The following DNM1 variants were observed in gnomAD, a reference collection of about 807,000 sequenced individuals.
The protein encoded by DNM1 is dynamin-1.
Under a neutral mutation model 104.6 loss-of-function variants are expected in DNM1, and 29 were observed. That is an observed-to-expected ratio of 0.28 (90% CI 0.21 to 0.38). The LOEUF is 0.38. DNM1 is among the 10% of genes least tolerant of loss of function. The pLI is 1.00. For missense variants in DNM1, 640 were observed against 1,189.4 expected, an observed-to-expected ratio of 0.54 and a Z score of 6.79; for synonymous variants, 445 against 475.8, an observed-to-expected ratio of 0.94 and a Z score of 0.84.
rs1250691332 is a variant in DNM1, at chr9:128,220,871, T to TTTTTATTTG, written c.849+534_849+535insATTTGTTTT. On this transcript the variant is annotated intron_variant, in intron 6 of 21. Transcript: ENST00000372923. The surrounding 1 kb of genome is among the most constrained non-coding windows in gnomAD (Gnocchi z 5.2). ...TCTGGCTCTCTGAGCCTCTATTTCT[T>TTTTTATTTG]TTTTCTTTATTTGTTTTCTTTCTTT... Among the ~76,000 whole-genome samples the TTTTTATTTG allele has an allele frequency of 2.3e-4, 35 of 150,304 alleles. No individual in the cohort carries two copies. The highest frequency in any genetic ancestry group is 4.7e-4 in the Non-Finnish European group (32 of 67,530).
Position 128,220,742 on chromosome 9 carries a change from C to CGCGCGCGCGCGT in DNM1, c.849+402_849+403insCGCGCGCGCGTG, listed in dbSNP as rs61020870. Among the ~76,000 whole-genome samples the CGCGCGCGCGCGT allele has an allele frequency of 7.6e-4, 103 of 136,358 alleles. No individual in the cohort carries two copies. Among genetic ancestry groups the CGCGCGCGCGCGT allele is most frequent in the Non-Finnish European group, 1.1e-3 (71 of 63,284 alleles). The allele number at this position is 136,358 out of a possible 152,430, so 89.5% of individuals were successfully genotyped here. ...CAGAACTGAAGTGCGCGCGCGCGCG[C>CGCGCGCGCGCGT]GTGTGTGTGTGTGTGTGTGTGTGTG... is the stretch of plus-strand genomic sequence containing the variant. On this transcript the variant is annotated intron_variant, in intron 6 of 21. Transcript: ENST00000372923. This position sits in a 1 kb window ranked among gnomAD's most constrained non-coding sequence, Gnocchi z 5.2.
At chr9:128,217,706 C>T (rs551252733) in intron 1 of DNM1, among the ~76,000 whole-genome samples, 1 of 152,168 alleles carries the variant, frequency 6.6e-6, no homozygotes, top group African/African-American at 2.4e-5. Context: ...CGTGAGCCAC[C>T]GCGCCCGGCC....
Position 128,253,404 on chromosome 9 carries a change from A to T in DNM1, c.2535-1250A>T. 1.8e-6 allele frequency: 1 copy of T among 543,330 alleles called. No homozygotes were observed. Among genetic ancestry groups the T allele is most frequent in the South Asian group, 2.2e-5 (1 of 45,782 alleles). 33.7% of individuals were successfully genotyped at this position (543,330 alleles called of 1,614,324 possible). ...GAACAGGCTCCGCGCCCAAGCTGGC[A>T]GACATGGGTGCTCTCTGGAGCCGTC... On this transcript the variant is annotated intron_variant, in intron 21 of 21. Transcript: ENST00000372923. This position sits in a 1 kb window ranked among gnomAD's most constrained non-coding sequence, Gnocchi z 5.9.
chr9:128,231,907 C>A (rs1365365654), intron 10 of DNM1: 4 of 426,712 alleles, frequency 9.4e-6, no homozygotes, highest in Non-Finnish European at 1.9e-5. Flanking sequence ...GGGCTGTGTC[C>A]CTGACTGCTA....
chr9:128,225,643 G>A (rs770012654), intron 10 of DNM1, among the ~76,000 whole-genome samples: 22 of 152,198 alleles, frequency 1.4e-4, no homozygotes, highest in Admixed American at 3.9e-4. Flanking sequence ...ACCCAAGGCT[G>A]TGGACAAAGA....
chr9:128,249,343 C>G (rs1829366993), intron 19 of DNM1, among the ~76,000 whole-genome samples: 1 of 151,788 alleles, frequency 6.6e-6, no homozygotes, highest in South Asian at 2.1e-4. Flanking sequence ...GACTTTGTCT[C>G]TACACAAAAA....
intron 14 of DNM1, among the ~76,000 whole-genome samples, chr9:128,241,643 G>A (rs890704884): frequency 5.9e-5 from 9 of 152,136 alleles, no homozygotes; most frequent in African/African-American, 1.9e-4. Context: ...CGCACGTAGA[G>A]AAGTTAATTA....
chr9:128,236,823 G>T (rs1836044187), intron 11 of DNM1, among the ~76,000 whole-genome samples: 1 of 152,180 alleles, frequency 6.6e-6, no homozygotes, highest in African/African-American at 2.4e-5. Flanking sequence ...CTGCATTCCA[G>T]CATGGGCAAC....
In DNM1 at chr9:128,249,588, G is replaced by A. The variant is rs141896161; in HGVS notation, c.2077-527G>A. On this transcript the variant is annotated intron_variant, in intron 19 of 21. Transcript: ENST00000372923. Reference sequence around the variant, plus strand: ...GGAGAATTGCTTGAACCCGGGAGGCGGAGGTTGCGGTGAGCTGAGATTGTG... The same window carrying A: ...GGAGAATTGCTTGAACCCGGGAGGCAGAGGTTGCGGTGAGCTGAGATTGTG... 6.0e-3 allele frequency among the ~76,000 whole-genome samples: 910 copies of A among 152,074 alleles called. 9 individuals are homozygous for A. Among genetic ancestry groups the A allele is most frequent in the African/African-American group, 0.02 (839 of 41,448 alleles).
Position 128,253,162 on chromosome 9 carries a change from T to G in DNM1, c.2535-1492T>G. 6.3e-7 allele frequency: 1 copy of G among 1,599,956 alleles called. No individual in the cohort carries two copies. The highest frequency in any genetic ancestry group is 8.5e-7 in the Non-Finnish European group (1 of 1,178,814). On this transcript the variant is annotated intron_variant, in intron 21 of 21. Coordinates refer to ENST00000372923, the MANE Select transcript of DNM1 (RefSeq NM_004408.4). This position sits in a 1 kb window ranked among gnomAD's most constrained non-coding sequence, Gnocchi z 5.9. ...GGTAGGTACATGCCTCACCGCCTGC[T>G]GCATGAACGGTGTGTCTGCCCCGCT... is the stretch of plus-strand genomic sequence containing the variant.
Position 128,220,403 on chromosome 9 carries a change from G to A in DNM1, c.849+62G>A. 6.3e-7 allele frequency: 1 copy of A among 1,590,314 alleles called. No individual in the cohort carries two copies. Among genetic ancestry groups the A allele is most frequent in the Non-Finnish European group, 8.6e-7 (1 of 1,169,160 alleles). On this transcript the variant is annotated intron_variant, in intron 6 of 21. Transcript: ENST00000372923. The surrounding 1 kb of genome is among the most constrained non-coding windows in gnomAD (Gnocchi z 5.2). The stretch of plus-strand genomic sequence containing the variant: ...AGCATGAAAACAGGATAAATTAAGT[G>A]TGTTCTGAGAGTGAACAGCAGAGGT...
intron 11 of DNM1, among the ~76,000 whole-genome samples, chr9:128,236,616 C>A (rs1836028468): frequency 1.3e-5 from 2 of 152,138 alleles, no homozygotes; most frequent in African/African-American, 4.8e-5. Flanking sequence ...TTTGGGAGGC[C>A]TAGGTGGGAG....
chr9:128,244,948 G>A (rs1407601279), intron 15 of DNM1: 2 of 315,424 alleles, frequency 6.3e-6, no homozygotes, highest in Admixed American at 7.1e-5. Flanking sequence ...CCAGCCCGTG[G>A]TCCCCTCTCT....
At chr9:128,213,036 T>C (rs575598300) in intron 1 of DNM1, among the ~76,000 whole-genome samples, 89 of 152,332 alleles carry the variant, frequency 5.8e-4, no homozygotes, top group African/African-American at 2.1e-3. Flanking sequence ...GGTGTTGGGA[T>C]GACGATTGGT....
In DNM1 at chr9:128,248,078, CA is replaced by C. The variant is rs1479653153; in HGVS notation, c.1905+145del. ...GCGCAGTGGCTCACACCTGTAAACC[CA>C]ACACTTTGGGAGGCCGAGGTGGGCG... On this transcript the variant is annotated intron_variant, in intron 18 of 21. Coordinates refer to ENST00000372923, the MANE Select transcript of DNM1 (RefSeq NM_004408.4). This position sits in a 1 kb window ranked among gnomAD's most constrained non-coding sequence, Gnocchi z 5.6. The C allele has an allele frequency of 1.7e-6, 2 of 1,165,006 alleles. No homozygotes were observed. The highest frequency in any genetic ancestry group is 2.6e-6 in the Non-Finnish European group (2 of 782,544). 72.2% of individuals were successfully genotyped at this position (1,165,006 alleles called of 1,614,324 possible).
chr9:128,215,549 A>G (rs1244839942), intron 1 of DNM1, among the ~76,000 whole-genome samples: 2 of 152,208 alleles, frequency 1.3e-5, no homozygotes, highest in Non-Finnish European at 2.9e-5. Context: ...TCTGCTTCCC[A>G]GAAGCTACTT....
intron 1 of DNM1, among the ~76,000 whole-genome samples, chr9:128,208,871 A>C (rs1255808495): frequency 1.3e-5 from 2 of 152,220 alleles, no homozygotes; most frequent in East Asian, 3.8e-4. Context: ...CCTGAGCAAG[A>C]CTAGGACGTG....
chr9:128,238,475 C>A (rs577249898), intron 11 of DNM1, among the ~76,000 whole-genome samples: 1 of 152,072 alleles, frequency 6.6e-6, no homozygotes, highest in Admixed American at 6.6e-5. Context: ...CCGCCCACTT[C>A]GGCCTCCCAA....
chr9:128,245,030 C>G lies in DNM1; in HGVS notation c.1672-1364C>G. On this transcript the variant is annotated intron_variant, in intron 15 of 21. Coordinates refer to ENST00000372923, the MANE Select transcript of DNM1 (RefSeq NM_004408.4). The surrounding 1 kb of genome is among the most constrained non-coding windows in gnomAD (Gnocchi z 5.2). ...GGAGCTGGGGCTGAGAAGGAGGGGC[C>G]TGAGGAGGGGGCCGGCCGGCAGGAA... is the stretch of plus-strand genomic sequence containing the variant. The G allele has an allele frequency of 3.7e-6, 1 of 270,906 alleles. No homozygotes were observed. The highest frequency in any genetic ancestry group is 3.1e-5 in the South Asian group (1 of 32,502). The allele number at this position is 270,906 out of a possible 1,614,324, so 16.8% of individuals were successfully genotyped here. A position where few individuals can be genotyped will look rare whatever the true frequency, so the allele number is the denominator to read the frequency against.
Sources: allele counts gnomAD v4.1 joint callset (sites outside exome capture counted in the v4.1 genomes callset), GRCh38; gene constraint gnomAD v4.1.1; non-coding constraint Gnocchi (gnomAD v3.1); transcripts MANE v1.5; gene names NCBI Gene and HGNC (gene_info 2026-07-23, HGNC 2026-07-21).